F8: variants seen among roughly 807,000 people sequenced by gnomAD.
F8 encodes the protein coagulation factor VIII.
Under a neutral mutation model 140.6 loss-of-function variants are expected in F8, and 12 were observed. The ratio of observed to expected loss-of-function variants is 0.09; its 90% CI spans 0.05 to 0.14. F8 has a LOEUF of 0.14. Among genes scored for constraint, F8 ranks in the 10% least tolerant of loss-of-function variants. The probability of loss-of-function intolerance (pLI) is 1.00; values close to 1 mark genes in which losing one functional copy is unlikely to be tolerated. For missense variants in F8, 1,354 were observed against 1,720.7 expected, an observed-to-expected ratio of 0.79 and a Z score of 3.77; for synonymous variants, 585 against 614.6, an observed-to-expected ratio of 0.95 and a Z score of 0.71.
chrX:155,020,110 G>T (rs1050547899), intron 1 of F8, among the ~76,000 whole-genome samples: 1 of 110,592 alleles, frequency 9.0e-6, no homozygotes, highest in Non-Finnish European at 1.9e-5. Context: ...AGTGAGGATT[G>T]CTTTCACCCA....
At chrX:154,868,200 G>T (rs28820950) in intron 22 of F8, among the ~76,000 whole-genome samples, 13,115 of 111,175 alleles carry the variant, frequency 0.12, 693 homozygotes, top group South Asian at 0.34. Context: ...GTCAAGGGAG[G>T]GACCTAGTGG....
At chrX:154,993,853 G>A (rs781834307) in intron 3 of F8, among the ~76,000 whole-genome samples, 121 of 111,970 alleles carry the variant, frequency 1.1e-3, no homozygotes, top group Middle Eastern at 4.6e-3. Context: ...CTTTCCTAGT[G>A]GTACAACACT....
At position 154,837,437 on chromosome X, in the gene F8, C is replaced by G. The variant is rs1467918021; in HGVS notation, c.*160G>C. 1 of 577,267 alleles carries G rather than the reference C, an allele frequency of 1.7e-6. No individual in the cohort carries two copies. The highest frequency in any genetic ancestry group is 2.3e-5 in the African/African-American group (1 of 43,725). The allele number at this position is 577,267 out of a possible 1,213,427, so 47.6% of individuals were successfully genotyped here. ...AATTGGATGCACCCTCCTGGCCCCC[C>G]ACCAAAGAAATGCAGGACTGATGAT... On this transcript the variant is annotated 3_prime_UTR_variant, in exon 26 of 26. Transcript: ENST00000360256.
intron 1 of F8, among the ~76,000 whole-genome samples, chrX:155,017,662 C>A (rs2073741536): frequency 9.0e-6 from 1 of 110,721 alleles, no homozygotes. Context: ...TCAATTATAC[C>A]ACAATAAAGC....
At chrX:154,862,522 C>T (rs1259914446) in intron 23 of F8, among the ~76,000 whole-genome samples, 1 of 111,132 alleles carries the variant, frequency 9.0e-6, no homozygotes, top group African/African-American at 3.3e-5. Context: ...GAGTGCAGTA[C>T]ACAATACATA....
intron 1 of F8, among the ~76,000 whole-genome samples, chrX:155,004,153 T>G (rs1157719086): frequency 9.1e-6 from 1 of 110,438 alleles, no homozygotes; most frequent in African/African-American, 3.3e-5. Flanking sequence ...TCAGAAACCA[T>G]GCAAACAAGA....
chrX:154,867,489 C>T (rs2072739665), intron 22 of F8, among the ~76,000 whole-genome samples: 1 of 109,326 alleles, frequency 9.1e-6, no homozygotes, highest in Admixed American at 9.8e-5. Flanking sequence ...AATTCGAGAC[C>T]AGCCTGGCCA....
Position 154,982,246 on chromosome X carries a change from G to C in F8, c.787+2441C>G, listed in dbSNP as rs376573513. On this transcript the variant is annotated intron_variant, in intron 6 of 25. Transcript: ENST00000360256. ...GTGGATCACGAGGTCAGGAGATCGAGACCATCCTGGCTAACACAATGAAAC... is the reference window on the plus strand; with the variant it reads ...GTGGATCACGAGGTCAGGAGATCGACACCATCCTGGCTAACACAATGAAAC... Among the ~76,000 whole-genome samples, 16 of 106,367 alleles carry C rather than the reference G, an allele frequency of 1.5e-4. No individual in the cohort carries two copies. In the East Asian group the frequency reaches 3.5e-3, roughly 23 times the overall value. The allele number at this position is 106,367 out of a possible 115,157, so 92.4% of individuals were successfully genotyped here. A position where few individuals can be genotyped will look rare whatever the true frequency, so the allele number is the denominator to read the frequency against.
chrX:154,968,918 C>CT (rs1449065086), intron 7 of F8, among the ~76,000 whole-genome samples: 1 of 108,625 alleles, frequency 9.2e-6, no homozygotes, highest in African/African-American at 3.4e-5. Flanking sequence ...TGGACAATGC[C>CT]TTTTTTTCCC....
chrX:154,903,957 T>A lies in F8; in HGVS notation c.5947A>T (p.Thr1983Ser). 8.3e-7 allele frequency: 1 copy of A among 1,210,280 alleles called. No individual in the cohort carries two copies. The change falls in exon 18 of 26, where the codon ACT becomes TCT. Residue 1983 changes from threonine to serine, a missense_variant. Thr to Ser is a moderately conservative substitution (Grantham distance 58). Transcript: ENST00000360256. ...TTATACTCCTCTTTTTTTCGTACAG[T>A]GAACACATGTCCACTGAAATGAATA... ...HSIHFSGHVFTVRKKEEYKMA... is the reference protein window; with the variant it reads ...HSIHFSGHVFSVRKKEEYKMA...
chrX:154,948,349 C>G (rs1217920276), intron 12 of F8, among the ~76,000 whole-genome samples: 2 of 111,637 alleles, frequency 1.8e-5, no homozygotes, highest in African/African-American at 6.5e-5. Context: ...GTTGATACAA[C>G]TGGAATACCA....
intron 14 of F8, among the ~76,000 whole-genome samples, chrX:154,907,125 T>C (rs1403501145): frequency 8.9e-6 from 1 of 112,284 alleles, no homozygotes; most frequent in African/African-American, 3.2e-5. Context: ...TTCTGATCTT[T>C]ATGATAATCA....
At chrX:154,948,938 T>C (rs1255997306) in intron 12 of F8, among the ~76,000 whole-genome samples, 4 of 111,322 alleles carry the variant, frequency 3.6e-5, no homozygotes, top group Admixed American at 1.9e-4. Context: ...AAATATGGAG[T>C]CCAGAAACTG....
intron 9 of F8, chrX:154,965,716 A>G (rs998651826): frequency 2.0e-5 from 7 of 354,927 alleles, no homozygotes; most frequent in Non-Finnish European, 3.4e-5. Context: ...ATTAATGGAG[A>G]AAGATCTGGA....
intron 25 of F8, among the ~76,000 whole-genome samples, chrX:154,839,134 T>C (rs1035013492): frequency 2.6e-4 from 29 of 110,121 alleles, no homozygotes; most frequent in African/African-American, 9.5e-4. Context: ...TTATTTAACA[T>C]GAGAGCCTTT....
intron 14 of F8, chrX:154,909,095 T>C: frequency 3.5e-6 from 1 of 288,795 alleles, no homozygotes; most frequent in Admixed American, 3.8e-5. Context: ...ACAGACACAT[T>C]CTTGACACTG....
chrX:154,983,401 A>G (rs1557283917), intron 6 of F8, among the ~76,000 whole-genome samples: 1 of 111,941 alleles, frequency 8.9e-6, no homozygotes. Flanking sequence ...GCAATACCAC[A>G]TGTTCTCACT....
At chrX:154,968,140 C>T (rs1450499057) in intron 7 of F8, among the ~76,000 whole-genome samples, 1 of 111,639 alleles carries the variant, frequency 9.0e-6, no homozygotes, top group South Asian at 3.7e-4. Flanking sequence ...TAATTATCAT[C>T]GTGATGGTAT....
intron 25 of F8, among the ~76,000 whole-genome samples, chrX:154,845,075 T>C (rs1176191596): frequency 8.9e-6 from 1 of 112,139 alleles, no homozygotes; most frequent in African/African-American, 3.2e-5. Context: ...TTTGGTTCTG[T>C]TTATATGCTG....
Sources: allele counts gnomAD v4.1 joint callset (sites outside exome capture counted in the v4.1 genomes callset), GRCh38; gene constraint gnomAD v4.1.1; transcripts MANE v1.5; gene names NCBI Gene and HGNC (gene_info 2026-07-23, HGNC 2026-07-21).